The following COL9A1 variants were observed in gnomAD, a reference collection of about 807,000 sequenced individuals.
The protein encoded by COL9A1 is collagen type IX alpha 1 chain.
Under a neutral mutation model 142.6 loss-of-function variants are expected in COL9A1, and 104 were observed. The ratio of observed to expected loss-of-function variants is 0.73; its 90% CI spans 0.62 to 0.86. The LOEUF (loss-of-function observed/expected upper bound fraction) is 0.86. COL9A1 is among the 40% of genes least tolerant of loss of function. COL9A1 has a pLI of 0.00. For missense variants in COL9A1, 1,210 were observed against 1,176.6 expected (o/e 1.03, Z -0.42); for synonymous variants, 466 against 396.0 (o/e 1.18, Z -2.10).
At chr6:70,281,312 AAC>A in intron 8 of COL9A1, 76 bp downstream of exon 8, 8 of 1,416,496 alleles carry the variant, frequency 5.6e-6, no homozygotes, top group East Asian at 4.6e-5. Flanking sequence ...AAAAAAAAAA[AAC>A]CCCACAGGAG....
chr6:70,301,683 CATCA>C (rs1774069673), intron 2 of COL9A1, among the ~76,000 whole-genome samples: 1 of 152,180 alleles, frequency 6.6e-6, no homozygotes, highest in Admixed American at 6.5e-5. Flanking sequence ...TCCATCCATC[CATCA>C]GTCTATTTAT....
At chr6:70,287,122 G>A (rs1053365005) in intron 5 of COL9A1, among the ~76,000 whole-genome samples, 1 of 152,082 alleles carries the variant, frequency 6.6e-6, no homozygotes, top group African/African-American at 2.4e-5. Flanking sequence ...ATATGGGTGG[G>A]GCCCTGAAGC....
chr6:70,289,532 G>A (rs181532888), intron 5 of COL9A1, among the ~76,000 whole-genome samples: 1 of 152,126 alleles, frequency 6.6e-6, no homozygotes, highest in Non-Finnish European at 1.5e-5. Context: ...CAACGCAGCA[G>A]GCTGAGTTTC....
At chr6:70,280,016 T>C in intron 10 of COL9A1, 1 of 697,500 alleles carries the variant, frequency 1.4e-6, no homozygotes, top group Non-Finnish European at 2.7e-6. Context: ...GACTGGTCTG[T>C]AGTGGGTCAT....
intron 28 of COL9A1, among the ~76,000 whole-genome samples, chr6:70,248,331 T>G (rs528410341): frequency 1.9e-3 from 282 of 152,322 alleles, no homozygotes; most frequent in Non-Finnish European, 3.0e-3. Context: ...GACAATATTT[T>G]TGCAGTAGTA....
At chr6:70,274,889 C>T in intron 10 of COL9A1, 117 bp from the exon 11 acceptor site, 1 of 775,940 alleles carries the variant, frequency 1.3e-6, no homozygotes. Flanking sequence ...AAGTATGATG[C>T]AAATATTTAT....
Position 70,262,260 on chromosome 6 carries a change from G to A in COL9A1, c.1395+984C>T, listed in dbSNP as rs151241775. 2.6e-4 allele frequency among the ~76,000 whole-genome samples: 40 copies of A among 152,154 alleles called. 1 individual carries two copies. The East Asian group carries it at 6.0e-3, about 23-fold the overall frequency. ...AGTGTCTCATATGGCAAACACTCAG[G>A]GGAGGGCAAACTTCTGAAATAAACA... is the stretch of plus-strand genomic sequence containing the variant. On this transcript the variant is annotated intron_variant, in intron 19 of 37. Transcript: ENST00000357250.
chr6:70,290,120 TG>T (rs1472378639), intron 5 of COL9A1, among the ~76,000 whole-genome samples: 1 of 152,166 alleles, frequency 6.6e-6, no homozygotes, highest in African/African-American at 2.4e-5. Flanking sequence ...TTGAATCATA[TG>T]TTTGTTAAGC....
chr6:70,253,814 A>G lies in COL9A1; in HGVS notation c.1720-385T>C, dbSNP rs563196374. On this transcript the variant is annotated intron_variant, in intron 25 of 37. Coordinates refer to ENST00000357250, the MANE Select transcript of COL9A1 (RefSeq NM_001851.6). ...TCATGTACAGAGTAATAAAATGAAG[A>G]CCTCTCAGAAATGCTGAGCTTTATA... 2.0e-4 allele frequency among the ~76,000 whole-genome samples: 31 copies of G among 152,258 alleles called. 1 individual carries two copies. The South Asian group carries it at 6.0e-3, about 30-fold the overall frequency.
chr6:70,286,035 C>T (rs1452788470), intron 5 of COL9A1, among the ~76,000 whole-genome samples: 1 of 152,022 alleles, frequency 6.6e-6, no homozygotes, highest in Non-Finnish European at 1.5e-5. Context: ...ACAACAGGCG[C>T]CCACCACCAC....
intron 37 of COL9A1, among the ~76,000 whole-genome samples, chr6:70,217,286 A>G (rs1768587099): frequency 6.6e-6 from 1 of 152,136 alleles, no homozygotes; most frequent in South Asian, 2.1e-4. Flanking sequence ...ATGGAAATTA[A>G]AAGCAGAAAG....
In COL9A1 at chr6:70,255,791, A is replaced by G. The variant is rs534291; in HGVS notation, c.1504-401T>C. Among the ~76,000 whole-genome samples, 1,034 of 151,348 alleles carry G rather than the reference A, an allele frequency of 6.8e-3. 13 individuals carry two copies. The highest frequency in any genetic ancestry group is 0.024 in the African/African-American group (990 of 41,138). On this transcript the variant is annotated intron_variant, in intron 21 of 37. Coordinates refer to ENST00000357250, the MANE Select transcript of COL9A1 (RefSeq NM_001851.6). The stretch of plus-strand genomic sequence containing the variant: ...CATATTATTTAATCCCCCAGTCAAT[A>G]TTAGTAATTTCTGTCGAAGTGATCT...
chr6:70,217,437 T>A (rs1166730360), intron 37 of COL9A1, among the ~76,000 whole-genome samples: 1 of 152,166 alleles, frequency 6.6e-6, no homozygotes, highest in Non-Finnish European at 1.5e-5. Context: ...CACACCTGGA[T>A]TTTAAAGACT....
intron 10 of COL9A1, among the ~76,000 whole-genome samples, chr6:70,276,087 G>A (rs190255006): frequency 6.6e-6 from 1 of 152,174 alleles, no homozygotes; most frequent in African/African-American, 2.4e-5. Flanking sequence ...ATTTACCAAA[G>A]AAGAAAAATA....
intron 4 of COL9A1, among the ~76,000 whole-genome samples, chr6:70,298,028 A>C (rs181685243): frequency 1.3e-5 from 2 of 152,338 alleles, no homozygotes; most frequent in Admixed American, 6.5e-5. Flanking sequence ...GTAGCACAGA[A>C]AGTCCCTTTA....
At chr6:70,282,953 G>A (rs1583330369) in intron 6 of COL9A1, 35 bp from the exon 7 acceptor site, 1 of 1,614,178 alleles carries the variant, frequency 6.2e-7, no homozygotes, top group Non-Finnish European at 8.5e-7. Context: ...AGTGAGAAAA[G>A]CACCCCTCAA....
intron 18 of COL9A1, among the ~76,000 whole-genome samples, chr6:70,264,005 T>C (rs1384375378): frequency 6.6e-6 from 1 of 151,968 alleles, no homozygotes; most frequent in Non-Finnish European, 1.5e-5. Context: ...CTTCCAATAA[T>C]AGATTCTCTC....
intron 4 of COL9A1, among the ~76,000 whole-genome samples, chr6:70,298,497 C>G (rs184924441): frequency 4.6e-5 from 7 of 152,280 alleles, no homozygotes; most frequent in Admixed American, 3.9e-4. Flanking sequence ...CAAGCCTTGA[C>G]AGTAAAACAA....
intron 28 of COL9A1, among the ~76,000 whole-genome samples, chr6:70,250,592 C>A (rs1218844016): frequency 6.6e-6 from 1 of 152,166 alleles, no homozygotes; most frequent in Non-Finnish European, 1.5e-5. Context: ...GGAGAAATTC[C>A]ATTCTCATGG....
Sources: gnomAD v4.1 joint callset for allele counts (sites outside exome capture counted in the v4.1 genomes callset) on GRCh38, gnomAD v4.1.1 for gene constraint, MANE v1.5 for transcripts, NCBI Gene and HGNC (gene_info 2026-07-23, HGNC 2026-07-21) for gene names.